Variants in PAK4 observed in about 807,000 individuals in gnomAD.
PAK4 encodes the protein serine/threonine-protein kinase PAK 4.
A neutral mutation model predicts 53.5 loss-of-function variants in PAK4; 49 were observed. That is an observed-to-expected ratio of 0.92 (90% CI 0.73 to 1.16). The LOEUF is 1.16. Ranked by LOEUF, PAK4 falls within the 50% of genes most tolerant of loss-of-function variation. The probability of loss-of-function intolerance (pLI) is 0.00; values close to 1 mark genes in which losing one functional copy is unlikely to be tolerated. For synonymous variants in PAK4, 376 were observed against 375.6 expected (o/e 1.00, Z -0.01); for missense variants, 824 against 850.7 (o/e 0.97, Z 0.39).
At chr19:39,142,992 C>T (rs1048915097) in intron 1 of PAK4, among the ~76,000 whole-genome samples, 16 of 152,146 alleles carry the variant, frequency 1.1e-4, no homozygotes, top group Admixed American at 3.9e-4. Context: ...ACTGACCATG[C>T]CCTCCACCCT....
At chr19:39,131,827 G>C (rs558703708) in intron 1 of PAK4, among the ~76,000 whole-genome samples, 4 of 152,264 alleles carry the variant, frequency 2.6e-5, no homozygotes, top group African/African-American at 9.6e-5. Context: ...CTAGCTGGGA[G>C]CCCCTGGGGA....
rs761855355 is a variant in PAK4, at chr19:39,173,228, A to G, written c.515A>G (p.Glu172Gly). The change falls in exon 3 of 9, where the codon GAG becomes GGG. Residue 172 changes from glutamate to glycine, a missense_variant. Around this residue, in one of 2 missense-constraint regions of PAK4, gnomAD observed 478 missense variants for 435.8 expected, o/e 1.10. Coordinates refer to ENST00000358301, the Ensembl canonical transcript of PAK4. This position sits in a 1 kb window ranked among gnomAD's most constrained non-coding sequence, Gnocchi z 6.9. Reference sequence around the variant, plus strand: ...AGGGAGGGCTCAGGGGGTCCCCAGGAGTCCTCCCGGGACAAACGCCCCCTC... The same window carrying G: ...AGGGAGGGCTCAGGGGGTCCCCAGGGGTCCTCCCGGGACAAACGCCCCCTC... 6.4e-7 allele frequency: 1 copy of G among 1,567,826 alleles called. No homozygotes were observed. The highest frequency in any genetic ancestry group is 1.2e-5 in the South Asian group (1 of 85,620).
intron 2 of PAK4, 29 bp from the exon 4 acceptor site, chr19:39,172,889 C>T (rs1379754430): frequency 6.7e-7 from 1 of 1,497,014 alleles, no homozygotes; most frequent in East Asian, 2.5e-5. Flanking sequence ...CCTTGCTGGG[C>T]CCCCACCCAC....
At chr19:39,145,716 C>T (rs1273419044) in intron 1 of PAK4, among the ~76,000 whole-genome samples, 2 of 152,176 alleles carry the variant, frequency 1.3e-5, no homozygotes, top group Non-Finnish European at 2.9e-5. Flanking sequence ...ACGGAGGGGC[C>T]TTCTCTGGAG....
chr19:39,134,361 G>A (rs955922756), intron 1 of PAK4, among the ~76,000 whole-genome samples: 5 of 152,304 alleles, frequency 3.3e-5, no homozygotes, highest in South Asian at 2.1e-4. Context: ...TGTCCATCAC[G>A]ACCACAGTCG....
intron 1 of PAK4, among the ~76,000 whole-genome samples, chr19:39,147,523 C>G (rs1194690084): frequency 6.6e-6 from 1 of 152,182 alleles, no homozygotes; most frequent in Non-Finnish European, 1.5e-5. Context: ...CCCAGAGGTA[C>G]AATTGCTGGG....
chr19:39,128,422 C>A (rs919932870), intron 1 of PAK4, among the ~76,000 whole-genome samples: 2 of 152,170 alleles, frequency 1.3e-5, no homozygotes, highest in African/African-American at 4.8e-5. Flanking sequence ...GCCAGGCAGC[C>A]CTCTGAGGCT....
intron 1 of PAK4, among the ~76,000 whole-genome samples, chr19:39,131,715 C>T (rs758704320): frequency 2.0e-5 from 3 of 152,224 alleles, no homozygotes; most frequent in South Asian, 2.1e-4. Flanking sequence ...GGTCCTGCCC[C>T]GACCCTTCCC....
At chr19:39,126,178 C>A (rs986902834) in intron 1 of PAK4, among the ~76,000 whole-genome samples, 2 of 151,742 alleles carry the variant, frequency 1.3e-5, no homozygotes, top group African/African-American at 2.4e-5. Context: ...GGGTTCTGGG[C>A]GAGTCTCAAA....
chr19:39,164,315 C>CA (rs2074333947), intron 1 of PAK4, among the ~76,000 whole-genome samples: 1 of 150,248 alleles, frequency 6.7e-6, no homozygotes, highest in Non-Finnish European at 1.5e-5. Flanking sequence ...TACACACACA[C>CA]ACAAGCACGC....
chr19:39,126,549 A>G (rs1465940108), intron 1 of PAK4, among the ~76,000 whole-genome samples: 1 of 151,714 alleles, frequency 6.6e-6, no homozygotes, highest in African/African-American at 2.4e-5. Context: ...ACTATGGGCT[A>G]GACCCTCTTT....
At chr19:39,168,701 T>G (rs1252245113) in intron 1 of PAK4, 1 of 152,242 alleles carries the variant, frequency 6.6e-6, no homozygotes, top group Non-Finnish European at 1.5e-5. Context: ...GGTCGACCAT[T>G]TGCTCTGTGC....
intron 1 of PAK4, among the ~76,000 whole-genome samples, chr19:39,137,729 C>T (rs918620451): frequency 3.3e-5 from 5 of 151,288 alleles, no homozygotes; most frequent in South Asian, 2.1e-4. Context: ...TGCAGTGGCA[C>T]GATCTTGGCT....
rs535045135 is a variant in PAK4 at position 39,174,732 on chromosome 19, G to A, written c.1099-199G>A. On this transcript the variant is annotated intron_variant, in intron 4 of 8. Transcript: ENST00000358301. ...GATGGGCGTGTGCCCAGGGGGGCGC[G>A]CCCCCAGAAGGGAGGCGTGGGCTTC... Among the ~76,000 whole-genome samples, 12 of 152,260 alleles carry A rather than the reference G, an allele frequency of 7.9e-5. No individual in the cohort carries two copies. In the South Asian group the frequency reaches 2.3e-3, roughly 29 times the overall value.
At chr19:39,149,390 A>C (rs567499903) in intron 1 of PAK4, among the ~76,000 whole-genome samples, 1 of 152,346 alleles carries the variant, frequency 6.6e-6, no homozygotes, top group African/African-American at 2.4e-5. Context: ...TCAGCCAGAC[A>C]CAGAAGGAGA....
At chr19:39,176,664 G>A (rs763748222) in exon 7 of PAK4, 8 of 1,613,122 alleles carry the variant, frequency 5.0e-6, no homozygotes, top group South Asian at 4.4e-5. Context: ...TGGTCGGCAC[G>A]CCCTACTGGA....
rs1444500475 is a variant in PAK4, at chr19:39,157,169, G to A, written c.-22-12363G>A. 2.0e-5 allele frequency among the ~76,000 whole-genome samples: 3 copies of A among 152,192 alleles called. 1 individual carries two copies. Among genetic ancestry groups the A allele is most frequent in the Admixed American group, 6.5e-5 (1 of 15,290 alleles). ...TGGGTGACCCTGGAGTTGACTGGGT[G>A]TGCCTAGGTCCATGGAGGTCTCCTT... On this transcript the variant is annotated intron_variant, in intron 1 of 8. Coordinates refer to ENST00000358301, the Ensembl canonical transcript of PAK4.
At chr19:39,172,476 G>A (rs1311762884) in intron 2 of PAK4, among the ~76,000 whole-genome samples, 5 of 152,134 alleles carry the variant, frequency 3.3e-5, no homozygotes, top group Non-Finnish European at 7.4e-5. Context: ...AGAGAGTGTG[G>A]TTTTGGGGCT....
At chr19:39,177,800 C>T (rs2144887076) in exon 8 of PAK4, 2 of 1,612,678 alleles carry the variant, frequency 1.2e-6, no homozygotes, top group Middle Eastern at 1.7e-4. Context: ...GACTGAAGAA[C>T]CTGCACAAGG....
Sources: gnomAD v4.1 joint callset for allele counts (sites outside exome capture counted in the v4.1 genomes callset) on GRCh38, gnomAD v4.1.1 for gene constraint, gnomAD v4.1.1 regional missense constraint, Gnocchi (gnomAD v3.1) non-coding constraint, MANE v1.5 for transcripts, NCBI Gene and HGNC (gene_info 2026-07-23, HGNC 2026-07-21) for gene names.